Variants in SPOCK1 observed in about 807,000 individuals in gnomAD.
SPOCK1 encodes testican-1.
A neutral mutation model predicts 55.3 loss-of-function variants in SPOCK1; 23 were observed. The observed-to-expected ratio is 0.42, with a 90% CI of 0.30 to 0.59. SPOCK1 has a LOEUF of 0.59. SPOCK1 is among the 20% of genes least tolerant of loss of function. The pLI is 0.22. For missense variants in SPOCK1, 499 were observed against 552.5 expected (o/e 0.90, Z 0.97); for synonymous variants, 226 against 221.0 (o/e 1.02, Z -0.20).
At chr5:137,268,444 T>G (rs1435281048) in intron 2 of SPOCK1, among the ~76,000 whole-genome samples, 2 of 152,186 alleles carry the variant, frequency 1.3e-5, no homozygotes, top group Non-Finnish European at 2.9e-5. Flanking sequence ...CCATGAAATA[T>G]CACTAAGGAA....
chr5:137,101,463 A>G (rs1345386014), intron 5 of SPOCK1, among the ~76,000 whole-genome samples: 1 of 152,268 alleles, frequency 6.6e-6, no homozygotes, highest in Non-Finnish European at 1.5e-5. Flanking sequence ...TAACAAAAGC[A>G]CTAACTAATT....
chr5:137,281,014 G>A (rs1308924244), intron 2 of SPOCK1, among the ~76,000 whole-genome samples: 6 of 151,922 alleles, frequency 3.9e-5, no homozygotes, highest in Non-Finnish European at 8.8e-5. Context: ...AATCAAAATG[G>A]TAAAGATAGT....
intron 3 of SPOCK1, among the ~76,000 whole-genome samples, chr5:137,177,699 G>A (rs950229343): frequency 2.6e-5 from 4 of 152,050 alleles, no homozygotes; most frequent in Non-Finnish European, 4.4e-5. Context: ...AATGCTGTTG[G>A]ACTCAAAGAT....
chr5:137,459,786 G>C (rs1753442488), intron 2 of SPOCK1, among the ~76,000 whole-genome samples: 1 of 152,146 alleles, frequency 6.6e-6, no homozygotes. Flanking sequence ...TACAGACAAA[G>C]ACTGTAAGCA....
intron 2 of SPOCK1, among the ~76,000 whole-genome samples, chr5:137,280,710 T>C (rs763198108): frequency 2.0e-5 from 3 of 152,206 alleles, no homozygotes; most frequent in Non-Finnish European, 4.4e-5. Context: ...CCAAATCCTT[T>C]GGCAAAATTA....
intron 3 of SPOCK1, among the ~76,000 whole-genome samples, chr5:137,264,941 C>T (rs1756816949): frequency 6.6e-6 from 1 of 152,154 alleles, no homozygotes; most frequent in Non-Finnish European, 1.5e-5. Context: ...AGTGGGGATA[C>T]TCAGCTAAGG....
At position 137,086,376 on chromosome 5, in the gene SPOCK1, CG is replaced by C. The variant is rs1426956016; in HGVS notation, c.475-18548del. Among the ~76,000 whole-genome samples, 6 of 152,274 alleles carry C rather than the reference CG, an allele frequency of 3.9e-5. No individual in the cohort carries two copies. In the South Asian group the frequency reaches 1.2e-3, roughly 32 times the overall value. On this transcript the variant is annotated intron_variant, in intron 5 of 10. Coordinates refer to ENST00000394945, the MANE Select transcript of SPOCK1 (RefSeq NM_004598.4). ...AGCAGCATCTCTGCTGGGAAGACAC[CG>C]CACCCAGGCCACAAAGGCAGCCCAG...
intron 3 of SPOCK1, among the ~76,000 whole-genome samples, chr5:137,234,451 A>T (rs949736841): frequency 6.6e-6 from 1 of 151,920 alleles, no homozygotes; most frequent in Non-Finnish European, 1.5e-5. Flanking sequence ...CCTTCTTACC[A>T]CTTTCATCAT....
intron 2 of SPOCK1, among the ~76,000 whole-genome samples, chr5:137,419,204 C>G (rs1242041438): frequency 6.6e-6 from 1 of 152,104 alleles, no homozygotes. Context: ...GTTACTGTAG[C>G]CTTGTAGTAT....
chr5:137,144,588 A>G (rs1475946831), intron 3 of SPOCK1, among the ~76,000 whole-genome samples: 1 of 152,192 alleles, frequency 6.6e-6, no homozygotes, highest in Non-Finnish European at 1.5e-5. Flanking sequence ...ACTGGGATTG[A>G]AAGGGGATGA....
intron 2 of SPOCK1, among the ~76,000 whole-genome samples, chr5:137,309,364 G>T (rs1215670825): frequency 6.6e-6 from 1 of 152,150 alleles, no homozygotes; most frequent in Non-Finnish European, 1.5e-5. Context: ...CACCTCCTCT[G>T]TGGGCTCCTC....
At chr5:137,193,598 C>T (rs187141938) in intron 3 of SPOCK1, among the ~76,000 whole-genome samples, 33 of 152,282 alleles carry the variant, frequency 2.2e-4, no homozygotes, top group Non-Finnish European at 3.2e-4. Context: ...AATTATAAGT[C>T]ATGCTTGGTG....
chr5:137,194,500 G>A (rs990711428), intron 3 of SPOCK1, among the ~76,000 whole-genome samples: 2 of 152,114 alleles, frequency 1.3e-5, no homozygotes, highest in Non-Finnish European at 2.9e-5. Flanking sequence ...GCTGAGGGTG[G>A]GGGGCCAGGC....
At chr5:137,476,012 T>C (rs1348834849) in intron 2 of SPOCK1, among the ~76,000 whole-genome samples, 3 of 147,566 alleles carry the variant, frequency 2.0e-5, no homozygotes. Flanking sequence ...GGGTAAAATG[T>C]TGGGGAGGGG....
chr5:137,093,800 A>T (rs996186372), intron 5 of SPOCK1, among the ~76,000 whole-genome samples: 1 of 152,232 alleles, frequency 6.6e-6, no homozygotes, highest in Non-Finnish European at 1.5e-5. Context: ...CACCCAAGTG[A>T]CTGGAGCAGA....
intron 2 of SPOCK1, among the ~76,000 whole-genome samples, chr5:137,274,582 A>G (rs2961644): frequency 0.99 from 150,626 of 152,330 alleles, 74,474 homozygotes; most frequent in East Asian, 1. Flanking sequence ...TGAGGTTTAC[A>G]GTAGGGGGAT....
intron 2 of SPOCK1, among the ~76,000 whole-genome samples, chr5:137,306,157 C>G (rs1231724035): frequency 2.0e-5 from 3 of 152,218 alleles, no homozygotes; most frequent in African/African-American, 7.2e-5. Context: ...AGGAACACGT[C>G]ATACAGTGCA....
At chr5:137,140,745 TAA>T in intron 3 of SPOCK1, 51 bp from the exon 4 acceptor site, 3 of 983,532 alleles carry the variant, frequency 3.1e-6, no homozygotes, top group South Asian at 2.0e-5. Flanking sequence ...CAGGGAAATT[TAA>T]TTTTTTTTTT....
intron 7 of SPOCK1, among the ~76,000 whole-genome samples, chr5:136,990,613 T>C (rs544949714): frequency 6.8e-6 from 1 of 146,510 alleles, no homozygotes; most frequent in East Asian, 2.1e-4. Context: ...TTTGATCGAA[T>C]GTCATGATTG....
Sources: gnomAD v4.1 joint callset for allele counts (sites outside exome capture counted in the v4.1 genomes callset) on GRCh38, gnomAD v4.1.1 for gene constraint, MANE v1.5 for transcripts, NCBI Gene and HGNC (gene_info 2026-07-23, HGNC 2026-07-21) for gene names.